The following CAMK2D variants were observed in gnomAD, a reference collection of about 807,000 sequenced individuals.
The protein encoded by CAMK2D is calcium/calmodulin-dependent protein kinase type II subunit delta.
In CAMK2D, 37 loss-of-function variants were observed where a neutral mutation model predicts 84.0. The ratio of observed to expected loss-of-function variants is 0.44; its 90% CI spans 0.34 to 0.58. The LOEUF (loss-of-function observed/expected upper bound fraction) is 0.58. Among genes scored for constraint, CAMK2D ranks in the 20% least tolerant of loss-of-function variants. The pLI, the probability that CAMK2D is intolerant of heterozygous loss-of-function variation, is 0.02. For missense variants in CAMK2D, 448 were observed against 652.5 expected, an observed-to-expected ratio of 0.69 and a Z score of 3.41; for synonymous variants, 202 against 212.5, an observed-to-expected ratio of 0.95 and a Z score of 0.43.
chr4:113,729,526 GCTC>G (rs1014158991), intron 2 of CAMK2D, among the ~76,000 whole-genome samples: 3 of 152,126 alleles, frequency 2.0e-5, no homozygotes, highest in Non-Finnish European at 4.4e-5. Flanking sequence ...CTTGCTGGCT[GCTC>G]CTCTTCTCTT....
chr4:113,494,195 CT>C, intron 16 of CAMK2D, among the ~76,000 whole-genome samples: 1 of 152,338 alleles, frequency 6.6e-6, no homozygotes, highest in Admixed American at 6.5e-5. Flanking sequence ...AACTGCGTTC[CT>C]TTGGAGGAGG....
intron 16 of CAMK2D, among the ~76,000 whole-genome samples, chr4:113,469,966 A>G (rs183931661): frequency 1.4e-4 from 22 of 151,952 alleles, no homozygotes; most frequent in African/African-American, 4.8e-4. Context: ...TTCTGCAACC[A>G]ATTTTGCTCT....
Position 113,761,367 on chromosome 4 carries a change from A to C in CAMK2D, c.-299T>G. On this transcript the variant is annotated 5_prime_UTR_variant, in exon 1 of 21. Transcript: ENST00000511664. ...CCCCTTTTCCAGTCCCTGTCCCCAA[A>C]TGCAGGGGGTAAAGTACTCAAGAAG... 1.7e-4 allele frequency: 217 copies of C among 1,310,646 alleles called. No homozygotes were observed. Among genetic ancestry groups the C allele is most frequent in the Middle Eastern group, 9.3e-4 (3 of 3,232 alleles). The allele number at this position is 1,310,646 out of a possible 1,614,324, so 81.2% of individuals were successfully genotyped here.
intron 4 of CAMK2D, among the ~76,000 whole-genome samples, chr4:113,559,521 A>C (rs1297728073): frequency 1.3e-5 from 2 of 152,254 alleles, no homozygotes; most frequent in Non-Finnish European, 2.9e-5. Context: ...TTACTAACTG[A>C]GCATCATTAC....
chr4:113,630,915 G>A (rs150638712), intron 3 of CAMK2D, among the ~76,000 whole-genome samples: 82 of 152,238 alleles, frequency 5.4e-4, no homozygotes, highest in African/African-American at 1.9e-3. Context: ...AATTTAGAAA[G>A]TCTACTCAAA....
intron 9 of CAMK2D, among the ~76,000 whole-genome samples, chr4:113,516,129 C>A (rs1432114960): frequency 6.6e-6 from 1 of 152,042 alleles, no homozygotes; most frequent in Admixed American, 6.6e-5. Flanking sequence ...TAAATTAGTC[C>A]ATTTTTAGTA....
At chr4:113,597,871 C>A (rs183245760) in intron 4 of CAMK2D, among the ~76,000 whole-genome samples, 1 of 152,202 alleles carries the variant, frequency 6.6e-6, no homozygotes, top group African/African-American at 2.4e-5. Flanking sequence ...GGTTTAATTT[C>A]AATATCTTTG....
intron 5 of CAMK2D, 41 bp from the exon 6 acceptor site, chr4:113,547,757 T>G (rs1174148299): frequency 7.7e-6 from 10 of 1,306,284 alleles, no homozygotes; most frequent in African/African-American, 1.5e-5. Context: ...GTTCCAAGCT[T>G]ACACTCACTG....
At chr4:113,524,721 C>T (rs1406567953) in intron 8 of CAMK2D, among the ~76,000 whole-genome samples, 1 of 152,110 alleles carries the variant, frequency 6.6e-6, no homozygotes, top group Non-Finnish European at 1.5e-5. Flanking sequence ...AGGTAGATCT[C>T]AGGAGGGTGC....
At chr4:113,507,551 G>T (rs1208834441) in intron 13 of CAMK2D, among the ~76,000 whole-genome samples, 1 of 152,056 alleles carries the variant, frequency 6.6e-6, no homozygotes, top group East Asian at 1.9e-4. Context: ...TTACAGGTGT[G>T]AGACACCGCT....
intron 2 of CAMK2D, among the ~76,000 whole-genome samples, chr4:113,717,701 T>C (rs2099517890): frequency 6.6e-6 from 1 of 152,102 alleles, no homozygotes; most frequent in African/African-American, 2.4e-5. Flanking sequence ...AAATCTTTGA[T>C]TACTGGAGAG....
rs146586503 is a variant in CAMK2D, at chr4:113,522,064, A to T, written c.602-4407T>A. Among the ~76,000 whole-genome samples, 922 of 152,272 alleles carry T rather than the reference A, an allele frequency of 6.1e-3. 31 individuals are homozygous for T. The highest frequency in any genetic ancestry group is 0.013 in the East Asian group (70 of 5,186). ...ATGTCCGGTTAATAAGACTTTTGAG[A>T]AGCACTGATTACAATTAGGTAGAAA... On this transcript the variant is annotated intron_variant, in intron 8 of 20. Transcript: ENST00000511664.
At chr4:113,531,404 T>A (rs1396922357) in intron 7 of CAMK2D, 105 bp from the exon 8 acceptor site, 6 of 690,170 alleles carry the variant, frequency 8.7e-6, no homozygotes, top group African/African-American at 3.6e-5. Context: ...TGATTATATG[T>A]TTTTCAAAAC....
At chr4:113,634,254 T>C (rs2099101623) in intron 3 of CAMK2D, among the ~76,000 whole-genome samples, 1 of 152,202 alleles carries the variant, frequency 6.6e-6, no homozygotes, top group African/African-American at 2.4e-5. Flanking sequence ...CAGTTTTGAA[T>C]CATTCATAGC....
intron 2 of CAMK2D, among the ~76,000 whole-genome samples, chr4:113,704,309 T>A (rs867753507): frequency 9.9e-5 from 15 of 152,136 alleles, no homozygotes; most frequent in Middle Eastern, 3.2e-3. Context: ...TACTGAAATG[T>A]CATTATTATA....
chr4:113,759,829 C>T lies in CAMK2D; in HGVS notation c.66-415G>A, dbSNP rs374185998. Among the ~76,000 whole-genome samples the T allele has an allele frequency of 9.2e-5, 14 of 152,226 alleles. No individual in the cohort carries two copies. The South Asian group carries it at 2.1e-3, about 23-fold the overall frequency. ...ATTAATGTGGTTCCAAGTAAGTAAACATGACGATTATTTTCATTAAAATAT... is the reference window on the plus strand; with the variant it reads ...ATTAATGTGGTTCCAAGTAAGTAAATATGACGATTATTTTCATTAAAATAT... On this transcript the variant is annotated intron_variant, in intron 1 of 20. Coordinates refer to ENST00000511664, the MANE Select transcript of CAMK2D (RefSeq NM_001321571.2).
chr4:113,586,384 T>C (rs898936932), intron 4 of CAMK2D, among the ~76,000 whole-genome samples: 18 of 152,174 alleles, frequency 1.2e-4, no homozygotes, highest in Non-Finnish European at 1.5e-5. Flanking sequence ...GAGCAACATT[T>C]GAAACCAGGT....
intron 2 of CAMK2D, among the ~76,000 whole-genome samples, chr4:113,733,136 T>C (rs1186979343): frequency 1.3e-5 from 2 of 152,170 alleles, no homozygotes; most frequent in Non-Finnish European, 2.9e-5. Flanking sequence ...AGACAGAGAC[T>C]GAAATGATAA....
At chr4:113,651,229 T>G (rs1324449791) in intron 3 of CAMK2D, among the ~76,000 whole-genome samples, 1 of 152,188 alleles carries the variant, frequency 6.6e-6, no homozygotes, top group South Asian at 2.1e-4. Context: ...ATTAACAAGT[T>G]ATTTCAAACA....
Sources: gnomAD v4.1 joint callset for allele counts (sites outside exome capture counted in the v4.1 genomes callset) on GRCh38, gnomAD v4.1.1 for gene constraint, MANE v1.5 for transcripts, NCBI Gene and HGNC (gene_info 2026-07-23, HGNC 2026-07-21) for gene names.